EXOC2: variants seen among roughly 807,000 people sequenced by gnomAD.
EXOC2 encodes the protein SEC5-like 1.
Under a neutral mutation model 131.8 loss-of-function variants are expected in EXOC2, and 70 were observed. The ratio of observed to expected loss-of-function variants is 0.53; its 90% confidence interval spans 0.44 to 0.65. The LOEUF is 0.65. Among genes scored for constraint, EXOC2 ranks in the 30% least tolerant of loss-of-function variants. The pLI is 0.00. For synonymous variants in EXOC2, 411 were observed against 398.4 expected (o/e 1.03, Z -0.38); for missense variants, 923 against 1,108.6 (o/e 0.83, Z 2.38).
At chr6:542,910 C>T (rs1756638286) in intron 22 of EXOC2, among the ~76,000 whole-genome samples, 1 of 152,170 alleles carries the variant, frequency 6.6e-6, no homozygotes, top group South Asian at 2.1e-4. Context: ...GCCTACGGAG[C>T]TTAGCTCTTC....
At chr6:516,190 G>A (rs1432097098) in intron 23 of EXOC2, among the ~76,000 whole-genome samples, 10 of 152,196 alleles carry the variant, frequency 6.6e-5, no homozygotes, top group Non-Finnish European at 1.3e-4. Flanking sequence ...ACCGCAGAGG[G>A]CAAAGATACT....
intron 4 of EXOC2, among the ~76,000 whole-genome samples, chr6:620,541 T>C (rs1761236201): frequency 6.6e-6 from 1 of 152,214 alleles, no homozygotes; most frequent in Non-Finnish European, 1.5e-5. Flanking sequence ...GATCATTTGA[T>C]AGGGTAGTAT....
chr6:594,811 A>G (rs1474172529), intron 10 of EXOC2, among the ~76,000 whole-genome samples: 1 of 152,220 alleles, frequency 6.6e-6, no homozygotes, highest in African/African-American at 2.4e-5. Flanking sequence ...GGGCTCTTCA[A>G]ATAAGTTTCT....
intron 13 of EXOC2, among the ~76,000 whole-genome samples, chr6:565,453 G>T (rs1481657803): frequency 6.6e-6 from 1 of 152,072 alleles, no homozygotes; most frequent in East Asian, 1.9e-4. Flanking sequence ...TATAACTCAT[G>T]TTTTTTTCCA....
intron 1 of EXOC2, chr6:656,316 G>A (rs1201722148): frequency 1.2e-6 from 2 of 1,614,050 alleles, no homozygotes; most frequent in African/African-American, 1.3e-5. Flanking sequence ...CGACTGGGGA[G>A]GGTTTCCAAG....
chr6:511,949 T>C (rs1260678052), intron 23 of EXOC2, among the ~76,000 whole-genome samples: 1 of 152,252 alleles, frequency 6.6e-6, no homozygotes, highest in Non-Finnish European at 1.5e-5. Flanking sequence ...TGCAGATGCT[T>C]TATCCAAAAA....
chr6:559,490 C>A (rs1260180551), intron 17 of EXOC2, among the ~76,000 whole-genome samples: 10 of 152,186 alleles, frequency 6.6e-5, no homozygotes, highest in Admixed American at 6.5e-4. Flanking sequence ...TCTGGCTAGA[C>A]AATGTCTTGG....
chr6:657,191 TC>T, intron 1 of EXOC2: 2 of 380,138 alleles, frequency 5.3e-6, no homozygotes, highest in East Asian at 7.8e-5. Flanking sequence ...ACAAAATGCT[TC>T]CGTTTCCACT....
intron 9 of EXOC2, among the ~76,000 whole-genome samples, chr6:598,371 A>T (rs566713270): frequency 1.3e-5 from 2 of 152,320 alleles, no homozygotes; most frequent in South Asian, 2.1e-4. Context: ...TAAAAAAATA[A>T]ATTTAGTTTT....
chr6:503,916 T>C (rs774149657), intron 23 of EXOC2, among the ~76,000 whole-genome samples: 1 of 152,226 alleles, frequency 6.6e-6, no homozygotes, highest in Non-Finnish European at 1.5e-5. Flanking sequence ...GTAAGACTTT[T>C]ACTCCCATAA....
chr6:510,677 CTAACA>C (rs906783607), intron 23 of EXOC2, among the ~76,000 whole-genome samples: 3 of 151,916 alleles, frequency 2.0e-5, no homozygotes, highest in African/African-American at 2.4e-5. Flanking sequence ...ATGAATTATC[CTAACA>C]TAAGATGTCA....
At chr6:631,473 G>A (rs1188869754) in intron 3 of EXOC2, among the ~76,000 whole-genome samples, 1 of 152,034 alleles carries the variant, frequency 6.6e-6, no homozygotes, top group Non-Finnish European at 1.5e-5. Flanking sequence ...GGGAGGCGGA[G>A]GTTGCAGTAA....
In EXOC2 at chr6:662,990, C is replaced by CA. The variant is rs953165734; in HGVS notation, c.-43-25130dup. ...TGGGTGGCAGAGCAAGACTTTGTCTCAAAAAAAAAAACAAATCCTGGTTCT... is the reference window on the plus strand; with the variant it reads ...TGGGTGGCAGAGCAAGACTTTGTCTCAAAAAAAAAAAACAAATCCTGGTTCT... On this transcript the variant is annotated intron_variant, in intron 1 of 27. Coordinates refer to ENST00000230449, the MANE Select transcript of EXOC2 (RefSeq NM_018303.6). Among the ~76,000 whole-genome samples, 678 of 135,536 alleles carry CA rather than the reference C, an allele frequency of 5.0e-3. 4 individuals carry two copies. The highest frequency in any genetic ancestry group is 0.011 in the Middle Eastern group (3 of 274). The allele number at this position is 135,536 out of a possible 152,430, so 88.9% of individuals were successfully genotyped here.
chr6:611,899 ACTGC>A (rs1473461296), intron 6 of EXOC2, among the ~76,000 whole-genome samples: 2 of 152,258 alleles, frequency 1.3e-5, no homozygotes, highest in Admixed American at 1.3e-4. Context: ...TTATAGAAAG[ACTGC>A]CTATTACTTC....
chr6:615,180 TGG>T (rs200446124), intron 6 of EXOC2, among the ~76,000 whole-genome samples: 2,939 of 111,252 alleles, frequency 0.026, 70 homozygotes, highest in African/African-American at 0.097. Flanking sequence ...TATGTGGGTG[TGG>T]GTGTGTGTGT....
intron 4 of EXOC2, among the ~76,000 whole-genome samples, chr6:629,625 G>C (rs2127701037): frequency 6.6e-6 from 1 of 152,294 alleles, no homozygotes; most frequent in South Asian, 2.1e-4. Flanking sequence ...AGAGGTAAAA[G>C]TAGTTTTAGC....
chr6:664,007 A>G (rs763263135), intron 1 of EXOC2, among the ~76,000 whole-genome samples: 5 of 152,222 alleles, frequency 3.3e-5, no homozygotes, highest in Non-Finnish European at 7.3e-5. Context: ...CTGTTTGCTG[A>G]AGATATTATC....
chr6:656,046 G>C (rs1246380546), intron 1 of EXOC2: 1 of 1,233,012 alleles, frequency 8.1e-7, no homozygotes, highest in East Asian at 2.3e-5. Context: ...AATTAACTCA[G>C]GGTCTGTTTT....
In EXOC2 at chr6:680,062, A is replaced by AT. The variant is rs529103193; in HGVS notation, c.-44+12956dup. ...TTTATTATGGAAATCTTAAACATAC[A>AT]TAAGAGAGACTAGCATAAGGAACCT... On this transcript the variant is annotated intron_variant, in intron 1 of 27. Transcript: ENST00000230449. Among the ~76,000 whole-genome samples the AT allele has an allele frequency of 5.9e-5, 9 of 152,232 alleles. No individual in the cohort carries two copies. The East Asian group carries it at 1.3e-3, about 23-fold the overall frequency.
Sources: gnomAD v4.1 joint callset for allele counts (sites outside exome capture counted in the v4.1 genomes callset) on GRCh38, gnomAD v4.1.1 for gene constraint, MANE v1.5 for transcripts, NCBI Gene and HGNC (gene_info 2026-07-23, HGNC 2026-07-21) for gene names.